The following OPRL1 variants were observed in gnomAD, a reference collection of about 807,000 sequenced individuals.
The protein encoded by OPRL1 is opioid related nociceptin receptor 1, also known as nociceptin receptor.
A neutral mutation model predicts 15.5 loss-of-function variants in OPRL1; 5 were observed. The ratio of observed to expected loss-of-function variants is 0.32; its 90% confidence interval spans 0.17 to 0.68. The LOEUF is 0.68. Ranked by LOEUF, OPRL1 falls within the 30% of genes least tolerant of loss-of-function variation. OPRL1 has a pLI of 0.72. For missense variants in OPRL1, 406 were observed against 515.3 expected (o/e 0.79, Z 2.05); for synonymous variants, 223 against 230.2 (o/e 0.97, Z 0.28).
At chr20:64,084,457 C>T (rs1391398407) in intron 1 of OPRL1, 3 of 1,048,182 alleles carry the variant, frequency 2.9e-6, no homozygotes, top group Non-Finnish European at 3.6e-6. Context: ...CTGCAGTCAA[C>T]TAGGACTTTC....
At chr20:64,096,159 G>C (rs1275601556) in intron 3 of OPRL1, among the ~76,000 whole-genome samples, 1 of 152,128 alleles carries the variant, frequency 6.6e-6, no homozygotes, top group African/African-American at 2.4e-5. Flanking sequence ...CTTCTCTACT[G>C]TGTTTCTCCT....
At position 64,092,951 on chromosome 20, in the gene OPRL1, C is replaced by A. The variant is rs767590961; in HGVS notation, c.231C>A (p.Leu77=). The A allele has an allele frequency of 1.2e-6, 2 of 1,611,684 alleles. No homozygotes were observed. The highest frequency in any genetic ancestry group is 1.1e-5 in the South Asian group (1 of 91,062). The part of the protein sequence containing the change: ...LGNCLVMYVI[L]RHTKMKTATN... ...ACTGCCTTGTCATGTACGTCATCCTCAGGTAGGCTGGGCCCCAAGGTTCCT... is the reference window on the plus strand; with the variant it reads ...ACTGCCTTGTCATGTACGTCATCCTAAGGTAGGCTGGGCCCCAAGGTTCCT... Residue 77 remains leucine (L), a splice_region_variant and synonymous_variant, in exon 3 of 5, where the codon CTC becomes CTA. Transcript: ENST00000336866.
intron 1 of OPRL1, chr20:64,084,186 C>G: frequency 6.9e-7 from 1 of 1,446,450 alleles, no homozygotes; most frequent in South Asian, 1.4e-5. Flanking sequence ...TCCCGCGGGC[C>G]CTTGCGCCCG....
At chr20:64,095,323 G>T in intron 3 of OPRL1, among the ~76,000 whole-genome samples, 1 of 108,324 alleles carries the variant, frequency 9.2e-6, no homozygotes. Context: ...GGTGTTGGGG[G>T]AGATGGTGTG....
chr20:64,084,376 T>G, intron 1 of OPRL1: 1 of 1,278,140 alleles, frequency 7.8e-7, no homozygotes, highest in Non-Finnish European at 9.9e-7. Flanking sequence ...CCTCTGAGCT[T>G]TGCCCAGGCG....
At chr20:64,091,870 T>C (rs2060121278) in intron 1 of OPRL1, 96 bp from the exon 2 acceptor site, 1 of 152,512 alleles carries the variant, frequency 6.6e-6, no homozygotes, top group African/African-American at 2.4e-5. Context: ...GGCGCAGCCC[T>C]GGGTGCGGTG....
intron 3 of OPRL1, among the ~76,000 whole-genome samples, chr20:64,096,087 G>A (rs879870693): frequency 2.6e-5 from 4 of 152,134 alleles, no homozygotes; most frequent in South Asian, 2.1e-4. Context: ...GGCGTGTCAC[G>A]GCTGAGGAGT....
rs541684557 is a variant in OPRL1, at chr20:64,082,631, C to T, written c.-185+2279C>T. On this transcript the variant is annotated intron_variant, in intron 1 of 4. Coordinates refer to ENST00000336866, the MANE Select transcript of OPRL1 (RefSeq NM_182647.4). ...GGGGCTGGGAGGGAGGAAAAGGAAGCGGGGGCCTAGGGAAGCCCCAGCGTC... is the reference window on the plus strand; with the variant it reads ...GGGGCTGGGAGGGAGGAAAAGGAAGTGGGGGCCTAGGGAAGCCCCAGCGTC... Among the ~76,000 whole-genome samples, 25 of 152,266 alleles carry T rather than the reference C, an allele frequency of 1.6e-4. No homozygotes were observed. The East Asian group carries it at 4.2e-3, about 26-fold the overall frequency.
At position 64,096,835 on chromosome 20, in the gene OPRL1, A is replaced by ACCAC. The variant is rs1451768297; in HGVS notation, c.234-967_234-966insCCAC. ...CATCACCACCATCATCACCATCATCATCATGACCATCACCACCATCACCAC... is the reference window on the plus strand; with the variant it reads ...CATCACCACCATCATCACCATCATCACCACTCATGACCATCACCACCATCACCAC... On this transcript the variant is annotated intron_variant, in intron 3 of 4. Coordinates refer to ENST00000336866, the MANE Select transcript of OPRL1 (RefSeq NM_182647.4). Among the ~76,000 whole-genome samples the ACCAC allele has an allele frequency of 7.6e-5, 3 of 39,404 alleles. No individual in the cohort carries two copies. In the Admixed American group the frequency reaches 1.0e-3, roughly 13 times the overall value. The allele number at this position is 39,404 out of a possible 152,430, so 25.9% of individuals were successfully genotyped here. A position where few individuals can be genotyped will look rare whatever the true frequency, so the allele number is the denominator to read the frequency against.
intron 1 of OPRL1, among the ~76,000 whole-genome samples, chr20:64,085,688 T>C (rs1334720264): frequency 6.6e-6 from 1 of 152,150 alleles, no homozygotes; most frequent in African/African-American, 2.4e-5. Flanking sequence ...ACTCTCTCTA[T>C]ATTCACAGAC....
At chr20:64,084,383 G>T (rs949095609) in intron 1 of OPRL1, 6 of 1,276,596 alleles carry the variant, frequency 4.7e-6, no homozygotes, top group Non-Finnish European at 5.9e-6. Context: ...GCTTTGCCCA[G>T]GCGCTCTCCC....
intron 1 of OPRL1, among the ~76,000 whole-genome samples, chr20:64,084,826 A>G (rs1184304856): frequency 7.2e-5 from 11 of 152,184 alleles, no homozygotes; most frequent in Non-Finnish European, 1.6e-4. Context: ...AGGCAGAGCC[A>G]CGGCCAGCCC....
intron 1 of OPRL1, among the ~76,000 whole-genome samples, chr20:64,088,499 C>T (rs1423410090): frequency 6.6e-6 from 1 of 151,072 alleles, no homozygotes; most frequent in Non-Finnish European, 1.5e-5. Flanking sequence ...GGACCAAGAT[C>T]TACGCACGGG....
rs1393670444 is a variant in OPRL1 at position 64,089,022 on chromosome 20, G to T, written c.-184-2944G>T. 6.9e-6 allele frequency among the ~76,000 whole-genome samples: 1 copy of T among 144,244 alleles called. No individual in the cohort carries two copies. The highest frequency in any genetic ancestry group is 2.6e-5 in the African/African-American group (1 of 38,920). 94.6% of individuals were successfully genotyped at this position (144,244 alleles called of 152,430 possible). ...GGTTGTGTGCAGGCAGGTGCGCAGG[G>T]TCAATGCAGGGGGCAAGGTCTGTAC... On this transcript the variant is annotated intron_variant, in intron 1 of 4. Coordinates refer to ENST00000336866, the MANE Select transcript of OPRL1 (RefSeq NM_182647.4). This position sits in a 1 kb window ranked among gnomAD's most constrained non-coding sequence, Gnocchi z 5.5.
At chr20:64,081,614 T>C (rs1409706074) in intron 1 of OPRL1, among the ~76,000 whole-genome samples, 2 of 152,228 alleles carry the variant, frequency 1.3e-5, no homozygotes, top group East Asian at 3.8e-4. Context: ...CCAGGTGAGC[T>C]GGGCAGTTGA....
In OPRL1 at chr20:64,098,750, A is replaced by C. The variant is rs902625054; in HGVS notation, c.1064A>C (p.Asp355Ala). Residue 355 changes from aspartate to alanine, a missense_variant, in exon 5 of 5, where the codon GAC (aspartate) becomes GCC (alanine). Coordinates refer to ENST00000336866, the MANE Select transcript of OPRL1 (RefSeq NM_182647.4). ...GACCGCGTGCGCAGCATTGCCAAGG[A>C]CGTGGCCCTGGCCTGCAAGACCTCT... ...VSDRVRSIAK[D>A]VALACKTSET... The C allele has an allele frequency of 6.2e-7, 1 of 1,608,934 alleles. No individual in the cohort carries two copies. The highest frequency in any genetic ancestry group is 1.3e-5 in the African/African-American group (1 of 74,910).
intron 3 of OPRL1, among the ~76,000 whole-genome samples, chr20:64,093,278 G>C (rs965419392): frequency 1.3e-5 from 2 of 150,894 alleles, no homozygotes; most frequent in Admixed American, 6.6e-5. Flanking sequence ...ATCCCACAGC[G>C]GCCCTGGGAG....
In OPRL1 at chr20:64,092,774, T is replaced by G; in HGVS notation, c.54T>G (p.Leu18=). Residue 18 remains leucine (L), a synonymous_variant, in exon 3 of 5, where the codon CTT becomes CTG. Transcript: ENST00000336866. ...PFWEVIYGSH[L]QGNLSLLSPN... ...GGGAGGTTATCTACGGCAGCCACCT[T>G]CAGGGCAACCTGTCCCTCCTGAGCC... The G allele has an allele frequency of 6.2e-7, 1 of 1,612,748 alleles. No homozygotes were observed. Among genetic ancestry groups the G allele is most frequent in the South Asian group, 1.1e-5 (1 of 91,084 alleles).
At chr20:64,091,615 TG>T (rs1398398352) in intron 1 of OPRL1, among the ~76,000 whole-genome samples, 1 of 151,930 alleles carries the variant, frequency 6.6e-6, no homozygotes, top group Non-Finnish European at 1.5e-5. Context: ...GGAGCCCAGC[TG>T]GGGGGTCCGG....
Sources: allele counts gnomAD v4.1 joint callset (sites outside exome capture counted in the v4.1 genomes callset), GRCh38; gene constraint gnomAD v4.1.1; non-coding constraint Gnocchi (gnomAD v3.1); transcripts MANE v1.5; gene names NCBI Gene and HGNC (gene_info 2026-07-23, HGNC 2026-07-21).